CNTN4: variants seen among roughly 807,000 people sequenced by gnomAD.
CNTN4 encodes contactin-4.
CNTN4 carries 77 observed loss-of-function variants against 122.5 expected under a neutral mutation model. That is an observed-to-expected ratio of 0.63 (90% CI 0.52 to 0.76). The LOEUF is 0.76. CNTN4 is among the 30% of genes least tolerant of loss of function. CNTN4 has a pLI of 0.00. For missense variants in CNTN4, 1,256 were observed against 1,259.1 expected (o/e 1.00, Z 0.04); for synonymous variants, 512 against 447.0 (o/e 1.15, Z -1.83).
At chr3:2,495,825 C>T (rs1016083995) in intron 3 of CNTN4, among the ~76,000 whole-genome samples, 10 of 152,084 alleles carry the variant, frequency 6.6e-5, no homozygotes, top group Admixed American at 1.3e-4. Flanking sequence ...AGGTTGGGGA[C>T]CACTGGTTGA....
At chr3:2,741,094 T>C (rs1188460753) in intron 5 of CNTN4, among the ~76,000 whole-genome samples, 1 of 152,220 alleles carries the variant, frequency 6.6e-6, no homozygotes, top group Non-Finnish European at 1.5e-5. Context: ...GACAAAGTAT[T>C]TAAACCACTC....
At chr3:2,398,983 G>A (rs2150949996) in intron 3 of CNTN4, among the ~76,000 whole-genome samples, 1 of 152,142 alleles carries the variant, frequency 6.6e-6, no homozygotes, top group Admixed American at 6.6e-5. Context: ...AAAGGTAGTA[G>A]GTTTAAAACC....
intron 4 of CNTN4, among the ~76,000 whole-genome samples, chr3:2,638,779 A>G (rs1212905687): frequency 6.6e-6 from 1 of 152,126 alleles, no homozygotes; most frequent in Non-Finnish European, 1.5e-5. Flanking sequence ...TCAGATAATG[A>G]CAACTTCATC....
At chr3:2,996,179 T>G (rs1695517557) in intron 14 of CNTN4, among the ~76,000 whole-genome samples, 1 of 152,278 alleles carries the variant, frequency 6.6e-6, no homozygotes, top group South Asian at 2.1e-4. Context: ...GGGTAAATTT[T>G]TAATATATAT....
chr3:2,297,181 C>T (rs965903159), intron 2 of CNTN4, among the ~76,000 whole-genome samples: 2 of 152,060 alleles, frequency 1.3e-5, no homozygotes, highest in Non-Finnish European at 2.9e-5. Flanking sequence ...GAGATTTTTC[C>T]AGATTTGATG....
chr3:2,862,064 T>C (rs2093676895), intron 7 of CNTN4, among the ~76,000 whole-genome samples: 1 of 152,224 alleles, frequency 6.6e-6, no homozygotes, highest in Admixed American at 6.5e-5. Flanking sequence ...ATACAGTTTC[T>C]CTAGACTTCA....
chr3:2,432,979 TTTTGTTTGTTTG>T (rs143427537), intron 3 of CNTN4, among the ~76,000 whole-genome samples: 4 of 151,600 alleles, frequency 2.6e-5, no homozygotes, highest in Admixed American at 6.6e-5. Context: ...TCATTTGTTT[TTTTGTTTGTTTG>T]TTTGTTTGTT....
chr3:2,829,816 G>A (rs780412471), intron 7 of CNTN4, among the ~76,000 whole-genome samples: 1 of 152,146 alleles, frequency 6.6e-6, no homozygotes, highest in Non-Finnish European at 1.5e-5. Context: ...GTTTCTTAAA[G>A]TAACCTTGTA....
chr3:2,570,100 C>A (rs190839080), intron 3 of CNTN4, among the ~76,000 whole-genome samples: 2 of 152,160 alleles, frequency 1.3e-5, no homozygotes, highest in African/African-American at 2.4e-5. Flanking sequence ...GTTGAGAGTT[C>A]TGTTTTACTA....
chr3:2,517,578 A>G (rs958673606), intron 3 of CNTN4, among the ~76,000 whole-genome samples: 5 of 152,124 alleles, frequency 3.3e-5, no homozygotes, highest in African/African-American at 1.2e-4. Context: ...AAATCCTTTC[A>G]CTTCACTTTT....
chr3:2,716,942 C>T (rs981399329), intron 4 of CNTN4, among the ~76,000 whole-genome samples: 2 of 152,198 alleles, frequency 1.3e-5, no homozygotes, highest in Non-Finnish European at 2.9e-5. Context: ...TCTCTATTGT[C>T]ACATGTATCC....
chr3:2,136,934 G>A (rs1347048231), intron 2 of CNTN4, among the ~76,000 whole-genome samples: 1 of 152,114 alleles, frequency 6.6e-6, no homozygotes, highest in Non-Finnish European at 1.5e-5. Flanking sequence ...GGTTTTATAT[G>A]ATTGCTGAAA....
chr3:2,862,283 T>C (rs2093679046), intron 7 of CNTN4, among the ~76,000 whole-genome samples: 1 of 152,228 alleles, frequency 6.6e-6, no homozygotes, highest in Admixed American at 6.5e-5. Flanking sequence ...GATTGATCAT[T>C]TGTGTAATCT....
chr3:2,780,607 A>G (rs2091531060), intron 6 of CNTN4, among the ~76,000 whole-genome samples: 1 of 152,186 alleles, frequency 6.6e-6, no homozygotes, highest in African/African-American at 2.4e-5. Context: ...TTCTTCTACT[A>G]CTTTGATCTT....
At chr3:2,796,511 A>G (rs1036134034) in intron 6 of CNTN4, among the ~76,000 whole-genome samples, 7 of 152,130 alleles carry the variant, frequency 4.6e-5, no homozygotes, top group Non-Finnish European at 8.8e-5. Flanking sequence ...AAAAATGAAG[A>G]GCTAGAATCT....
intron 5 of CNTN4, among the ~76,000 whole-genome samples, chr3:2,741,765 G>A (rs1480215614): frequency 6.6e-6 from 1 of 152,114 alleles, no homozygotes; most frequent in Non-Finnish European, 1.5e-5. Context: ...AGCAGAATTT[G>A]GCAAGTGCTG....
At chr3:2,314,584 A>T (rs1463910562) in intron 2 of CNTN4, among the ~76,000 whole-genome samples, 1 of 151,988 alleles carries the variant, frequency 6.6e-6, no homozygotes, top group Non-Finnish European at 1.5e-5. Context: ...AATAAATGTT[A>T]AATATATAAT....
chr3:2,369,580 C>A (rs1463032287), intron 3 of CNTN4, among the ~76,000 whole-genome samples: 1 of 152,104 alleles, frequency 6.6e-6, no homozygotes, highest in South Asian at 2.1e-4. Context: ...AGGATGCCCC[C>A]CATCACACAT....
chr3:2,627,068 T>C (rs2082218837), intron 4 of CNTN4, among the ~76,000 whole-genome samples: 1 of 152,224 alleles, frequency 6.6e-6, no homozygotes, highest in Non-Finnish European at 1.5e-5. Flanking sequence ...GAACATGTTG[T>C]TGAGGTAGGA....
Sources: gnomAD v4.1 joint callset for allele counts (sites outside exome capture counted in the v4.1 genomes callset) on GRCh38, gnomAD v4.1.1 for gene constraint, MANE v1.5 for transcripts, NCBI Gene and HGNC (gene_info 2026-07-23, HGNC 2026-07-21) for gene names.